FAAH2: variants seen among roughly 807,000 people sequenced by gnomAD.
FAAH2 encodes the protein fatty acid amide hydrolase 2.
In FAAH2, 60 loss-of-function variants were observed where a neutral mutation model predicts 36.9. That is an observed-to-expected ratio of 1.63 (90% CI 1.32 to 2.02). The LOEUF is 2.02. Ranked by LOEUF, FAAH2 falls within the 30% of genes most tolerant of loss-of-function variation. The probability of loss-of-function intolerance (pLI) is 0.00; values close to 1 mark genes in which losing one functional copy is unlikely to be tolerated. For missense variants in FAAH2, 689 were observed against 397.5 expected, an observed-to-expected ratio of 1.73 and a Z score of -6.23; for synonymous variants, 214 against 143.8, an observed-to-expected ratio of 1.49 and a Z score of -3.49.
chrX:57,431,688 G>A (rs748196788), intron 7 of FAAH2, among the ~76,000 whole-genome samples: 1 of 110,846 alleles, frequency 9.0e-6, no homozygotes, highest in Non-Finnish European at 1.9e-5. Context: ...GGTTGCTTCA[G>A]CTTCTTAGCT....
rs149729744 is a variant in FAAH2 at position 57,313,605 on chromosome X, G to A, written c.412+2876G>A. ...AGAAGATATTGGGGGTCTACTTTCA[G>A]CATCCCTAAAGACAAGAAATTCCAA... On this transcript the variant is annotated intron_variant, in intron 3 of 10. Transcript: ENST00000374900. 4.8e-3 allele frequency among the ~76,000 whole-genome samples: 529 copies of A among 111,079 alleles called. 2 individuals are homozygous for A. The highest frequency in any genetic ancestry group is 0.016 in the African/African-American group (501 of 30,636).
At chrX:57,337,267 CG>C (rs1476441737) in intron 4 of FAAH2, among the ~76,000 whole-genome samples, 11 of 46,905 alleles carry the variant, frequency 2.3e-4, no homozygotes, top group African/African-American at 1.2e-3. Context: ...GCCTACCAAT[CG>C]AAAAAAAAAA....
At chrX:57,185,260 G>C in the FAAH2 span, among the ~76,000 whole-genome samples, 9 of 110,437 alleles carry the variant, frequency 8.1e-5, no homozygotes, top group South Asian at 3.5e-3. Flanking sequence ...CCAGCCTCTG[G>C]TCTCTTTCTA....
intron 5 of FAAH2, among the ~76,000 whole-genome samples, chrX:57,377,220 C>G (rs771611607): frequency 8.9e-6 from 1 of 111,873 alleles, no homozygotes; most frequent in African/African-American, 3.2e-5. Flanking sequence ...AAGTCTTTGC[C>G]CATGCCTATG....
rs59787885 is a variant in FAAH2 at position 57,364,009 on chromosome X, G to GT, written c.743-14618dup. ...TTCATCATAGATGTCGGCCTGTAGG[G>GT]TTTTTTTTTTTTTTTTTTTTTTTTG... On this transcript the variant is annotated intron_variant, in intron 5 of 10. Transcript: ENST00000374900. Among the ~76,000 whole-genome samples the GT allele has an allele frequency of 7.2e-3, 335 of 46,528 alleles. 7 individuals are homozygous for GT. Among genetic ancestry groups the GT allele is most frequent in the East Asian group, 0.032 (47 of 1,490 alleles). 40.4% of individuals were successfully genotyped at this position (46,528 alleles called of 115,157 possible).
chrX:57,147,896 T>C, the FAAH2 span, among the ~76,000 whole-genome samples: 1 of 112,135 alleles, frequency 8.9e-6, no homozygotes, highest in East Asian at 2.8e-4. Context: ...TGATTTCTAG[T>C]TTTATTCCAC....
Position 57,460,865 on chromosome X carries a change from T to A in FAAH2, c.1423+12147T>A, listed in dbSNP as rs188255092. Reference sequence around the variant, plus strand: ...AAAAGACACAAACTGGTAAATTGGATAAAGAGTCGAGACCCATCATTGTGC... The same window carrying A: ...AAAAGACACAAACTGGTAAATTGGAAAAAGAGTCGAGACCCATCATTGTGC... On this transcript the variant is annotated intron_variant, in intron 10 of 10. Transcript: ENST00000374900. Among the ~76,000 whole-genome samples, 90 of 111,671 alleles carry A rather than the reference T, an allele frequency of 8.1e-4. 1 individual carries two copies. The East Asian group carries it at 0.02, about 25-fold the overall frequency.
chrX:57,196,011 T>C, the FAAH2 span, among the ~76,000 whole-genome samples: 4 of 112,156 alleles, frequency 3.6e-5, no homozygotes, highest in Non-Finnish European at 7.5e-5. Context: ...AGCCTTATAG[T>C]ATAGTTTGAA....
At chrX:57,228,796 C>G in the FAAH2 span, among the ~76,000 whole-genome samples, 1 of 111,903 alleles carries the variant, frequency 8.9e-6, no homozygotes, top group African/African-American at 3.2e-5. Flanking sequence ...GGTAACAAAA[C>G]TCTTTAGTTT....
At chrX:57,204,598 C>T in the FAAH2 span, among the ~76,000 whole-genome samples, 3 of 112,019 alleles carry the variant, frequency 2.7e-5, no homozygotes, top group South Asian at 1.1e-3. Context: ...ATAACCTCTA[C>T]CCCAATTTAC....
At chrX:57,296,997 G>A (rs896974368) in intron 2 of FAAH2, among the ~76,000 whole-genome samples, 5 of 109,849 alleles carry the variant, frequency 4.6e-5, no homozygotes, top group African/African-American at 9.9e-5. Context: ...TGAAAGTCAC[G>A]GGGAGAATGG....
chrX:57,372,173 T>C (rs2054568739), intron 5 of FAAH2, among the ~76,000 whole-genome samples: 1 of 111,731 alleles, frequency 9.0e-6, no homozygotes, highest in Non-Finnish European at 1.9e-5. Context: ...AGTAATAGTA[T>C]TGATAGGTGG....
At chrX:57,160,063 G>A in the FAAH2 span, among the ~76,000 whole-genome samples, 2 of 111,825 alleles carry the variant, frequency 1.8e-5, no homozygotes, top group African/African-American at 6.5e-5. Context: ...GCTGAATTTT[G>A]TCAAAGGCCT....
At chrX:57,205,707 T>G in the FAAH2 span, among the ~76,000 whole-genome samples, 1 of 112,479 alleles carries the variant, frequency 8.9e-6, no homozygotes, top group Non-Finnish European at 1.9e-5. Context: ...ACCTTCAATT[T>G]GTTTAAATTT....
At chrX:57,164,741 G>T in the FAAH2 span, among the ~76,000 whole-genome samples, 1 of 112,468 alleles carries the variant, frequency 8.9e-6, no homozygotes, top group African/African-American at 3.2e-5. Context: ...TGGCATTTCT[G>T]GGAATGTATT....
At chrX:57,337,914 C>T (rs1369338899) in intron 4 of FAAH2, among the ~76,000 whole-genome samples, 1 of 111,504 alleles carries the variant, frequency 9.0e-6, no homozygotes, top group East Asian at 2.8e-4. Context: ...GACAATTAGG[C>T]AAGAAAAAGA....
chrX:57,307,631 AAATAT>A (rs2052578581), intron 2 of FAAH2, among the ~76,000 whole-genome samples: 1 of 111,751 alleles, frequency 8.9e-6, no homozygotes, highest in Non-Finnish European at 1.9e-5. Context: ...CACATTTTAA[AAATAT>A]AATATCAACT....
intron 5 of FAAH2, among the ~76,000 whole-genome samples, chrX:57,377,427 G>T (rs1367730325): frequency 8.9e-6 from 1 of 111,787 alleles, no homozygotes. Context: ...TCTTGTTTTT[G>T]TCAGGTTTGT....
the FAAH2 span, among the ~76,000 whole-genome samples, chrX:57,265,870 C>T: frequency 1.8e-5 from 2 of 111,815 alleles, no homozygotes; most frequent in Middle Eastern, 4.6e-3. Flanking sequence ...ACGTGGTTCC[C>T]TGATCCTGTC....
Sources: gnomAD v4.1 joint callset for allele counts (sites outside exome capture counted in the v4.1 genomes callset) on GRCh38, gnomAD v4.1.1 for gene constraint, MANE v1.5 for transcripts, NCBI Gene and HGNC (gene_info 2026-07-23, HGNC 2026-07-21) for gene names.